Variants in CCDC85A observed in about 807,000 individuals in gnomAD.
CCDC85A encodes coiled-coil domain-containing protein 85A.
CCDC85A carries 38 observed loss-of-function variants against 50.2 expected under a neutral mutation model. That is an observed-to-expected ratio of 0.76 (90% CI 0.58 to 0.99). CCDC85A has a LOEUF of 0.99. Among genes scored for constraint, CCDC85A ranks in the 50% least tolerant of loss-of-function variants. The pLI is 0.00. For missense variants in CCDC85A, 820 were observed against 742.0 expected (o/e 1.11, Z -1.22); for synonymous variants, 366 against 301.4 (o/e 1.21, Z -2.22).
At chr2:56,363,606 T>G (rs1268817550) in intron 3 of CCDC85A, among the ~76,000 whole-genome samples, 1 of 152,198 alleles carries the variant, frequency 6.6e-6, no homozygotes, top group Non-Finnish European at 1.5e-5. Flanking sequence ...CTAAGACCCT[T>G]CTTTTTGCCA....
chr2:56,193,850 T>A (rs763498510), intron 2 of CCDC85A, among the ~76,000 whole-genome samples: 2 of 152,198 alleles, frequency 1.3e-5, no homozygotes, highest in Non-Finnish European at 2.9e-5. Context: ...CAAAAGGATT[T>A]TGAATCCAGT....
At chr2:56,333,347 A>G (rs58363543) in intron 2 of CCDC85A, among the ~76,000 whole-genome samples, 30,657 of 152,034 alleles carry the variant, frequency 0.2, 4,415 homozygotes, top group African/African-American at 0.41. Context: ...AGAGGGTACA[A>G]CTAAGGCAAA....
At chr2:56,221,741 T>A (rs1161914030) in intron 2 of CCDC85A, among the ~76,000 whole-genome samples, 3 of 152,166 alleles carry the variant, frequency 2.0e-5, no homozygotes, top group African/African-American at 4.8e-5. Flanking sequence ...AAATCTAGAA[T>A]GAATTTGTTA....
Position 56,184,522 on chromosome 2 carries a change from C to G in CCDC85A, c.-103C>G, listed in dbSNP as rs538084458. On this transcript the variant is annotated 5_prime_UTR_variant, in exon 1 of 6. Coordinates refer to ENST00000407595, the MANE Select transcript of CCDC85A (RefSeq NM_001080433.2). Reference sequence around the variant, plus strand: ...CCCCTGGGCGGTGCCGCTGACTCGCCGGAGCGCACAGGGGTGTGGGCGGAG... The same window carrying G: ...CCCCTGGGCGGTGCCGCTGACTCGCGGGAGCGCACAGGGGTGTGGGCGGAG... 4.1e-6 allele frequency: 5 copies of G among 1,224,862 alleles called. No individual in the cohort carries two copies. The highest frequency in any genetic ancestry group is 5.2e-6 in the Non-Finnish European group (5 of 968,312). 75.9% of individuals were successfully genotyped at this position (1,224,862 alleles called of 1,614,324 possible). A position where few individuals can be genotyped will look rare whatever the true frequency, so the allele number is the denominator to read the frequency against.
intron 1 of CCDC85A, chr2:56,185,650 G>C (rs1017983661): frequency 6.6e-6 from 1 of 152,368 alleles, no homozygotes; most frequent in Non-Finnish European, 1.5e-5. Context: ...GTTTCTTTCT[G>C]AGCCAGCCCC....
At chr2:56,214,023 C>G (rs141599553) in intron 2 of CCDC85A, among the ~76,000 whole-genome samples, 2 of 151,932 alleles carry the variant, frequency 1.3e-5, no homozygotes, top group East Asian at 3.9e-4. Context: ...ACATTGGGGA[C>G]CAGGTTTGGC....
intron 2 of CCDC85A, among the ~76,000 whole-genome samples, chr2:56,228,032 T>A (rs529303018): frequency 1.7e-3 from 256 of 152,336 alleles, no homozygotes; most frequent in Non-Finnish European, 2.5e-3. Context: ...AAGATTGAAA[T>A]ACTTTTTCCA....
At chr2:56,288,328 T>G (rs555375479) in intron 2 of CCDC85A, among the ~76,000 whole-genome samples, 4 of 151,332 alleles carry the variant, frequency 2.6e-5, no homozygotes, top group Non-Finnish European at 4.4e-5. Context: ...AGCATCAAGA[T>G]AAAAAGGAAC....
At chr2:56,327,436 G>C (rs997889956) in intron 2 of CCDC85A, among the ~76,000 whole-genome samples, 1 of 151,952 alleles carries the variant, frequency 6.6e-6, no homozygotes, top group Non-Finnish European at 1.5e-5. Context: ...TTGGCCTTTG[G>C]TCCCTTAAAA....
At chr2:56,311,727 T>C (rs572607408) in intron 2 of CCDC85A, among the ~76,000 whole-genome samples, 10 of 152,276 alleles carry the variant, frequency 6.6e-5, no homozygotes, top group African/African-American at 2.2e-4. Context: ...TTCTCCCAAA[T>C]GTAGCAATAT....
intron 3 of CCDC85A, among the ~76,000 whole-genome samples, chr2:56,369,046 T>A (rs529422401): frequency 6.6e-6 from 1 of 152,208 alleles, no homozygotes; most frequent in African/African-American, 2.4e-5. Flanking sequence ...ACACATCAAA[T>A]TCTGAGTGAT....
At chr2:56,245,779 C>T (rs937962214) in intron 2 of CCDC85A, among the ~76,000 whole-genome samples, 1 of 152,086 alleles carries the variant, frequency 6.6e-6, no homozygotes, top group African/African-American at 2.4e-5. Context: ...GCTATTAAGG[C>T]CCTTATAAAA....
intron 2 of CCDC85A, among the ~76,000 whole-genome samples, chr2:56,269,735 C>G (rs1670617001): frequency 6.6e-6 from 1 of 152,176 alleles, no homozygotes; most frequent in South Asian, 2.1e-4. Flanking sequence ...TCATCCCCCT[C>G]ACTACAAAAG....
At chr2:56,371,489 G>A (rs1024612997) in intron 3 of CCDC85A, among the ~76,000 whole-genome samples, 13 of 151,848 alleles carry the variant, frequency 8.6e-5, no homozygotes, top group Admixed American at 2.0e-4. Context: ...ACCATTTTGC[G>A]TATTTTCCAT....
chr2:56,376,986 A>G (rs181745959), intron 5 of CCDC85A, among the ~76,000 whole-genome samples: 3 of 152,360 alleles, frequency 2.0e-5, no homozygotes, highest in East Asian at 1.9e-4. Context: ...GAGAACTTCA[A>G]AATGTTTATT....
chr2:56,290,156 C>G (rs1210503508), intron 2 of CCDC85A, among the ~76,000 whole-genome samples: 2 of 152,118 alleles, frequency 1.3e-5, no homozygotes, highest in Non-Finnish European at 2.9e-5. Context: ...GTAGTGAGTC[C>G]TCAAGCTCTA....
chr2:56,230,024 A>G (rs901221968), intron 2 of CCDC85A, among the ~76,000 whole-genome samples: 1 of 152,212 alleles, frequency 6.6e-6, no homozygotes, highest in Non-Finnish European at 1.5e-5. Flanking sequence ...TGATGTCAGT[A>G]AAATTATGCT....
intron 2 of CCDC85A, among the ~76,000 whole-genome samples, chr2:56,222,537 A>T (rs1276666618): frequency 6.6e-6 from 1 of 152,128 alleles, no homozygotes; most frequent in Non-Finnish European, 1.5e-5. Context: ...TAGAAGAATG[A>T]ATTTCTGGAC....
intron 3 of CCDC85A, among the ~76,000 whole-genome samples, chr2:56,349,100 C>CT (rs555117150): frequency 1.3e-5 from 2 of 152,010 alleles, no homozygotes; most frequent in Admixed American, 6.6e-5. Context: ...CAGAATTATA[C>CT]TTTTTTTTCT....
Sources: gnomAD v4.1 joint callset for allele counts (sites outside exome capture counted in the v4.1 genomes callset) on GRCh38, gnomAD v4.1.1 for gene constraint, MANE v1.5 for transcripts, NCBI Gene and HGNC (gene_info 2026-07-23, HGNC 2026-07-21) for gene names.